OSTN: variants seen among roughly 807,000 people sequenced by gnomAD.
OSTN encodes osteocrin.
OSTN carries 9 observed loss-of-function variants against 12.0 expected under a neutral mutation model. That is an observed-to-expected ratio of 0.75 (90% CI 0.45 to 1.30). The LOEUF is 1.30. Among genes scored for constraint, OSTN ranks in the 50% most tolerant of loss-of-function variants. The pLI, the probability that OSTN is intolerant of heterozygous loss-of-function variation, is 0.00. For synonymous variants in OSTN, 59 were observed against 56.9 expected (o/e 1.04, Z -0.16); for missense variants, 148 against 152.3 (o/e 0.97, Z 0.15).
intron 1 of OSTN, among the ~76,000 whole-genome samples, chr3:191,199,627 G>A (rs1353886619): frequency 6.6e-6 from 1 of 151,986 alleles, no homozygotes; most frequent in Non-Finnish European, 1.5e-5. Context: ...TCAAAATTGT[G>A]TAATATTAGA....
At position 191,210,143 on chromosome 3, in the gene OSTN, A is replaced by C. The variant is rs193111066; in HGVS notation, c.1-2390A>C. Among the ~76,000 whole-genome samples, 194 of 152,346 alleles carry C rather than the reference A, an allele frequency of 1.3e-3. 1 individual carries two copies. Among genetic ancestry groups the C allele is most frequent in the African/African-American group, 4.6e-3 (190 of 41,582 alleles). ...AGCAGGCACGTCTTCACATGGCCAG[A>C]GCAGGAGGAAAAAGAGAGGAGAGGT... On this transcript the variant is annotated intron_variant, in intron 1 of 4. Coordinates refer to ENST00000682035, the MANE Select transcript of OSTN (RefSeq NM_198184.2).
At chr3:191,214,560 A>G (rs1714557565) in intron 2 of OSTN, among the ~76,000 whole-genome samples, 1 of 151,396 alleles carries the variant, frequency 6.6e-6, no homozygotes, top group Non-Finnish European at 1.5e-5. Flanking sequence ...ATATGACTGT[A>G]TAAGGAAACA....
chr3:191,205,536 T>A (rs1288939272), intron 1 of OSTN, among the ~76,000 whole-genome samples: 2 of 151,834 alleles, frequency 1.3e-5, no homozygotes, highest in Non-Finnish European at 2.9e-5. Context: ...ATTCTTATTA[T>A]CAAAAATTCG....
chr3:191,214,436 C>CA (rs71298518), intron 2 of OSTN, among the ~76,000 whole-genome samples: 4,489 of 19,234 alleles, frequency 0.23, 877 homozygotes, highest in Non-Finnish European at 0.42. Context: ...GACTCCATCT[C>CA]AAAAAAAAAA....
chr3:191,255,064 CA>C (rs1488933799), intron 4 of OSTN, among the ~76,000 whole-genome samples: 1 of 152,096 alleles, frequency 6.6e-6, no homozygotes, highest in African/African-American at 2.4e-5. Context: ...TTCCAAGGAC[CA>C]GGGGGCAGGG....
At chr3:191,204,621 G>A (rs927537436) in intron 1 of OSTN, among the ~76,000 whole-genome samples, 1 of 152,216 alleles carries the variant, frequency 6.6e-6, no homozygotes, top group East Asian at 1.9e-4. Context: ...GCAATGGCTG[G>A]AGGTCCCAAT....
chr3:191,258,273 G>T (rs1310299294), intron 4 of OSTN, among the ~76,000 whole-genome samples: 1 of 152,190 alleles, frequency 6.6e-6, no homozygotes, highest in Admixed American at 6.5e-5. Context: ...TTCAGTCTGT[G>T]TTTTTCAAGT....
At chr3:191,222,562 G>GAACT (rs1174342339) in intron 3 of OSTN, among the ~76,000 whole-genome samples, 1 of 152,194 alleles carries the variant, frequency 6.6e-6, no homozygotes, top group Non-Finnish European at 1.5e-5. Flanking sequence ...AGGCAGAAGA[G>GAACT]AACTGCCTTG....
chr3:191,207,631 A>G (rs1442436984), intron 1 of OSTN, among the ~76,000 whole-genome samples: 5 of 152,178 alleles, frequency 3.3e-5, no homozygotes, highest in African/African-American at 1.2e-4. Flanking sequence ...GCTCATTGCA[A>G]CACTGATTCC....
At chr3:191,239,194 A>C (rs1170984411) in intron 3 of OSTN, among the ~76,000 whole-genome samples, 2 of 152,364 alleles carry the variant, frequency 1.3e-5, no homozygotes, top group South Asian at 4.1e-4. Flanking sequence ...TGCAAATGAA[A>C]GTACACTCCA....
At chr3:191,259,111 A>T (rs1257135189) in intron 4 of OSTN, among the ~76,000 whole-genome samples, 2 of 152,144 alleles carry the variant, frequency 1.3e-5, no homozygotes, top group Non-Finnish European at 2.9e-5. Context: ...AGCTGTTAGA[A>T]GTCTTTTCTA....
In OSTN at chr3:191,260,452, C is replaced by A. The variant is rs368056715; in HGVS notation, c.*13-2414C>A. On this transcript the variant is annotated intron_variant, in intron 4 of 4. Transcript: ENST00000682035. ...TCTTGTTGCCACAGATATTAAGGAA[C>A]CCACAAATTTCTGAGGGGGGTGCCA... Among the ~76,000 whole-genome samples the A allele has an allele frequency of 7.5e-5, 11 of 147,026 alleles. No homozygotes were observed. The South Asian group carries it at 2.4e-3, about 33-fold the overall frequency.
intron 1 of OSTN, 79 bp from the exon 2 acceptor site, chr3:191,212,454 C>G: frequency 1.2e-6 from 1 of 843,064 alleles, no homozygotes; most frequent in Non-Finnish European, 1.7e-6. Context: ...TTGCCTCTAA[C>G]AGTCCTTTTA....
At chr3:191,236,569 G>C (rs1352399132) in intron 3 of OSTN, among the ~76,000 whole-genome samples, 1 of 151,630 alleles carries the variant, frequency 6.6e-6, no homozygotes, top group Non-Finnish European at 1.5e-5. Context: ...ACAATCCTTG[G>C]GGAGATGTGC....
At chr3:191,241,847 A>G (rs1358972472) in intron 3 of OSTN, among the ~76,000 whole-genome samples, 1 of 152,214 alleles carries the variant, frequency 6.6e-6, no homozygotes, top group Non-Finnish European at 1.5e-5. Flanking sequence ...ATAACCAAAA[A>G]GAAGGTGCAA....
intron 4 of OSTN, among the ~76,000 whole-genome samples, chr3:191,259,806 G>A (rs1275539544): frequency 6.7e-6 from 1 of 150,242 alleles, no homozygotes; most frequent in Non-Finnish European, 1.5e-5. Context: ...CTTTAATTTA[G>A]TCAAGAGAAT....
intron 3 of OSTN, among the ~76,000 whole-genome samples, chr3:191,244,800 T>TA (rs1560122982): frequency 3.3e-4 from 49 of 150,578 alleles, no homozygotes; most frequent in African/African-American, 1.2e-3. Flanking sequence ...GAATTGATTT[T>TA]TATATATATA....
chr3:191,228,834 T>G (rs941837561), intron 3 of OSTN: 2 of 152,332 alleles, frequency 1.3e-5, no homozygotes, highest in South Asian at 2.1e-4. Context: ...AAATTTCTCT[T>G]TATACAATTA....
intron 4 of OSTN, among the ~76,000 whole-genome samples, chr3:191,250,955 C>A (rs187822152): frequency 2.6e-5 from 4 of 152,144 alleles, no homozygotes; most frequent in Non-Finnish European, 5.9e-5. Flanking sequence ...AGAGATCAGG[C>A]CTTATGGGTT....
Sources: allele counts gnomAD v4.1 joint callset (sites outside exome capture counted in the v4.1 genomes callset), GRCh38; gene constraint gnomAD v4.1.1; transcripts MANE v1.5; gene names NCBI Gene and HGNC (gene_info 2026-07-23, HGNC 2026-07-21).